ERG: variants seen among roughly 807,000 people sequenced by gnomAD.
The protein encoded by ERG is transcriptional regulator ERG.
A neutral mutation model predicts 55.3 loss-of-function variants in ERG; 9 were observed. The ratio of observed to expected loss-of-function variants is 0.16; its 90% CI spans 0.10 to 0.28. ERG has a LOEUF of 0.28. Ranked by LOEUF, ERG falls within the 10% of genes least tolerant of loss-of-function variation. The pLI is 1.00. For synonymous variants in ERG, 223 were observed against 237.3 expected (o/e 0.94, Z 0.55); for missense variants, 434 against 631.6 (o/e 0.69, Z 3.35).
intron 1 of ERG, among the ~76,000 whole-genome samples, chr21:38,599,626 G>T (rs115104625): frequency 2.6e-3 from 401 of 152,284 alleles, no homozygotes; most frequent in Non-Finnish European, 4.4e-3. Context: ...CCCCAGAGGC[G>T]TTTCCGATGC....
chr21:38,626,769 C>T (rs2060327362), intron 1 of ERG, among the ~76,000 whole-genome samples: 1 of 151,916 alleles, frequency 6.6e-6, no homozygotes, highest in African/African-American at 2.4e-5. Flanking sequence ...GTATTTATAA[C>T]CTTTATTGAT....
At chr21:38,611,647 T>C (rs79814318) in intron 1 of ERG, among the ~76,000 whole-genome samples, 4,941 of 152,160 alleles carry the variant, frequency 0.032, 131 homozygotes, top group Non-Finnish European at 0.048. Context: ...CCCAACACTC[T>C]CCATTTGCTG....
At chr21:38,502,918 G>T (rs1432371403), upstream of ERG, among the ~76,000 whole-genome samples, 2 of 152,028 alleles carry the variant, frequency 1.3e-5, no homozygotes, top group African/African-American at 4.8e-5. Context: ...GTAGAGACAG[G>T]TTTTCACCAT....
chr21:38,424,675 T>C (rs1437093194), intron 2 of ERG, among the ~76,000 whole-genome samples: 1 of 152,204 alleles, frequency 6.6e-6, no homozygotes. Context: ...CGACGTTCCT[T>C]CTCAAAACCT....
intron 3 of ERG, among the ~76,000 whole-genome samples, chr21:38,413,062 C>A (rs1989131581): frequency 6.6e-6 from 1 of 152,188 alleles, no homozygotes; most frequent in Non-Finnish European, 1.5e-5. Context: ...AGTTCCAATT[C>A]TCTGCTTTGT....
At chr21:38,400,220 C>A in intron 6 of ERG, 1 of 443,350 alleles carries the variant, frequency 2.3e-6, no homozygotes, top group Non-Finnish European at 4.3e-6. Flanking sequence ...CACTGTGAAT[C>A]TGGGGAGTGT....
At chr21:38,617,708 G>A (rs763336468) in intron 1 of ERG, among the ~76,000 whole-genome samples, 4 of 152,078 alleles carry the variant, frequency 2.6e-5, no homozygotes, top group Non-Finnish European at 5.9e-5. Context: ...CACTGGAAAG[G>A]TTTCTATTTC....
intron 1 of ERG, among the ~76,000 whole-genome samples, chr21:38,486,290 A>G (rs990150183): frequency 2.0e-5 from 3 of 152,286 alleles, no homozygotes; most frequent in Admixed American, 2.0e-4. Context: ...CCATTGTGTT[A>G]AGTGTCACAA....
intron 6 of ERG, 116 bp downstream of exon 6, chr21:38,400,458 G>T: frequency 1.2e-6 from 1 of 834,002 alleles, no homozygotes; most frequent in Non-Finnish European, 2.1e-6. Flanking sequence ...GACTGTCTGG[G>T]ACTGGCTTCA....
chr21:38,537,482 CA>C (rs1168132845), intron 2 of ERG, among the ~76,000 whole-genome samples: 3 of 150,936 alleles, frequency 2.0e-5, no homozygotes, highest in African/African-American at 7.3e-5. Context: ...TCAACAACAA[CA>C]ACAAAAACAA....
chr21:38,546,835 T>C (rs749902667), intron 2 of ERG, among the ~76,000 whole-genome samples: 1 of 152,174 alleles, frequency 6.6e-6, no homozygotes. Flanking sequence ...GAGCTTCCCA[T>C]TGTACCTGGT....
chr21:38,506,810 C>G (rs1325424113), intron 2 of ERG, among the ~76,000 whole-genome samples: 1 of 152,086 alleles, frequency 6.6e-6, no homozygotes, highest in African/African-American at 2.4e-5. Flanking sequence ...GGGTAAGGCT[C>G]TGACCGACAT....
intron 3 of ERG, among the ~76,000 whole-genome samples, chr21:38,414,978 T>C (rs1175634125): frequency 6.6e-6 from 1 of 152,222 alleles, no homozygotes; most frequent in Non-Finnish European, 1.5e-5. Flanking sequence ...GTAGATTATT[T>C]TACAAAATTC....
intron 1 of ERG, among the ~76,000 whole-genome samples, chr21:38,602,431 C>A (rs577635529): frequency 6.6e-6 from 1 of 152,020 alleles, no homozygotes; most frequent in South Asian, 2.1e-4. Context: ...GGTGACAGAG[C>A]GGGACTCTGT....
At chr21:38,372,562 A>G in the ERG span, among the ~76,000 whole-genome samples, 1 of 152,124 alleles carries the variant, frequency 6.6e-6, no homozygotes, top group African/African-American at 2.4e-5. Flanking sequence ...TGTCTAAATT[A>G]CATTGTAATT....
intron 2 of ERG, among the ~76,000 whole-genome samples, chr21:38,548,042 T>C (rs1240318463): frequency 6.6e-6 from 1 of 152,252 alleles, no homozygotes; most frequent in Non-Finnish European, 1.5e-5. Flanking sequence ...TGTGTGATGA[T>C]ATTTTTCTCC....
intron 1 of ERG, among the ~76,000 whole-genome samples, chr21:38,459,812 A>G (rs2059024410): frequency 6.6e-6 from 1 of 152,252 alleles, no homozygotes; most frequent in African/African-American, 2.4e-5. Context: ...GATTACATCC[A>G]TGACCCAAAA....
chr21:38,547,965 A>G (rs1183432712), intron 2 of ERG, among the ~76,000 whole-genome samples: 1 of 152,174 alleles, frequency 6.6e-6, no homozygotes, highest in African/African-American at 2.4e-5. Context: ...AAATACATAG[A>G]CTCTAAGCAG....
chr21:38,643,670 C>T (rs2060438950), intron 1 of ERG, among the ~76,000 whole-genome samples: 1 of 152,166 alleles, frequency 6.6e-6, no homozygotes, highest in South Asian at 2.1e-4. Flanking sequence ...GGATTCCGCC[C>T]CACCGGGAAT....
Sources: allele counts gnomAD v4.1 joint callset (sites outside exome capture counted in the v4.1 genomes callset), GRCh38; gene constraint gnomAD v4.1.1; transcripts MANE v1.5; gene names NCBI Gene and HGNC (gene_info 2026-07-23, HGNC 2026-07-21).